The following NALF1 variants were observed in gnomAD, a reference collection of about 807,000 sequenced individuals.
NALF1 encodes the protein family with sequence similarity 155 member A.
NALF1 carries 3 observed loss-of-function variants against 48.4 expected under a neutral mutation model. The observed-to-expected ratio is 0.06, with a 90% CI of 0.03 to 0.16. The LOEUF (loss-of-function observed/expected upper bound fraction) is 0.16. Ranked by LOEUF, NALF1 falls within the 10% of genes least tolerant of loss-of-function variation. The pLI, the probability that NALF1 is intolerant of heterozygous loss-of-function variation, is 1.00. For synonymous variants in NALF1, 262 were observed against 245.7 expected, an observed-to-expected ratio of 1.07 and a Z score of -0.62; for missense variants, 526 against 571.5, an observed-to-expected ratio of 0.92 and a Z score of 0.81.
At chr13:107,333,976 C>A (rs1360544644) in intron 1 of NALF1, among the ~76,000 whole-genome samples, 2 of 151,916 alleles carry the variant, frequency 1.3e-5, no homozygotes, top group Admixed American at 6.6e-5. Context: ...TTCCAGTTTC[C>A]CTTAAATAAA....
chr13:107,440,948 G>T (rs1884548602), intron 1 of NALF1, among the ~76,000 whole-genome samples: 1 of 152,042 alleles, frequency 6.6e-6, no homozygotes, highest in Non-Finnish European at 1.5e-5. Flanking sequence ...AAGCAAGCTG[G>T]TCACGAGATT....
chr13:107,245,472 T>C (rs909683810), intron 1 of NALF1, among the ~76,000 whole-genome samples: 4 of 152,212 alleles, frequency 2.6e-5, no homozygotes, highest in Non-Finnish European at 4.4e-5. Flanking sequence ...CACCAAGTAA[T>C]AACTCTGATT....
intron 1 of NALF1, among the ~76,000 whole-genome samples, chr13:107,675,916 C>G (rs890361746): frequency 1.3e-5 from 2 of 152,128 alleles, no homozygotes; most frequent in African/African-American, 2.4e-5. Flanking sequence ...AAGAACTTCC[C>G]TTCTCAGAGT....
chr13:107,381,848 C>T (rs1033265711), intron 1 of NALF1, among the ~76,000 whole-genome samples: 1 of 152,100 alleles, frequency 6.6e-6, no homozygotes, highest in African/African-American at 2.4e-5. Context: ...TGATCTCTTC[C>T]TCTCTCTCCC....
chr13:107,790,575 A>C (rs1266391563), intron 1 of NALF1, among the ~76,000 whole-genome samples: 1 of 152,232 alleles, frequency 6.6e-6, no homozygotes, highest in Non-Finnish European at 1.5e-5. Context: ...GATCACATAC[A>C]CATAATTCAC....
intron 1 of NALF1, among the ~76,000 whole-genome samples, chr13:107,720,944 T>C (rs1339980662): frequency 6.6e-6 from 1 of 152,124 alleles, no homozygotes; most frequent in Non-Finnish European, 1.5e-5. Context: ...ATCCAAAGAC[T>C]GAGCTAACAA....
At chr13:107,220,008 T>C (rs1356391148) in intron 1 of NALF1, among the ~76,000 whole-genome samples, 1 of 152,220 alleles carries the variant, frequency 6.6e-6, no homozygotes, top group Non-Finnish European at 1.5e-5. Flanking sequence ...TATTGTCAGG[T>C]CACTTGTGTA....
At chr13:107,306,579 G>T (rs895152463) in intron 1 of NALF1, among the ~76,000 whole-genome samples, 3 of 152,124 alleles carry the variant, frequency 2.0e-5, no homozygotes, top group African/African-American at 7.2e-5. Context: ...CAACAAAAAT[G>T]AACGACATTT....
intron 1 of NALF1, among the ~76,000 whole-genome samples, chr13:107,708,981 G>A (rs1192889521): frequency 6.6e-6 from 1 of 152,118 alleles, no homozygotes; most frequent in African/African-American, 2.4e-5. Context: ...AATCAGCAGA[G>A]CTTTGGGGAC....
intron 1 of NALF1, among the ~76,000 whole-genome samples, chr13:107,369,555 T>C (rs909835162): frequency 1.3e-5 from 2 of 152,110 alleles, no homozygotes; most frequent in Non-Finnish European, 2.9e-5. Context: ...AATGAAATAA[T>C]AAATTAAAGA....
chr13:107,489,037 A>T (rs1885373953), intron 1 of NALF1, among the ~76,000 whole-genome samples: 1 of 152,198 alleles, frequency 6.6e-6, no homozygotes, highest in Non-Finnish European at 1.5e-5. Context: ...AACAAAAATA[A>T]TAAAATACGT....
intron 2 of NALF1, among the ~76,000 whole-genome samples, chr13:107,207,019 C>G (rs1250322016): frequency 6.6e-6 from 1 of 152,030 alleles, no homozygotes. Context: ...GAAATGATTG[C>G]ATTTTAACAT....
chr13:107,729,077 A>G (rs1334107085), intron 1 of NALF1, among the ~76,000 whole-genome samples: 2 of 152,190 alleles, frequency 1.3e-5, no homozygotes, highest in Non-Finnish European at 2.9e-5. Context: ...TATTCACTCT[A>G]TGGACCACCA....
At chr13:107,766,547 A>C (rs185067498) in intron 1 of NALF1, among the ~76,000 whole-genome samples, 1 of 152,310 alleles carries the variant, frequency 6.6e-6, no homozygotes, top group African/African-American at 2.4e-5. Context: ...ATTGTCTCAA[A>C]TATCTGCTGC....
At chr13:107,680,871 A>AGG (rs759755167) in intron 1 of NALF1, among the ~76,000 whole-genome samples, 1 of 99,670 alleles carries the variant, frequency 1.0e-5, no homozygotes, top group Non-Finnish European at 2.4e-5. Context: ...TGCAAATGTA[A>AGG]GGGTGTGTGT....
At chr13:107,596,160 G>A (rs548545451) in intron 1 of NALF1, among the ~76,000 whole-genome samples, 1 of 152,158 alleles carries the variant, frequency 6.6e-6, no homozygotes, top group African/African-American at 2.4e-5. Flanking sequence ...GCAATATTAA[G>A]GTCTCTGTCA....
intron 1 of NALF1, among the ~76,000 whole-genome samples, chr13:107,863,373 T>C (rs910521018): frequency 5.3e-5 from 8 of 152,164 alleles, no homozygotes; most frequent in Non-Finnish European, 1.2e-4. Context: ...CTACTCCCTT[T>C]CTACATATAA....
chr13:107,270,877 A>G (rs1465306177), intron 1 of NALF1, among the ~76,000 whole-genome samples: 1 of 135,538 alleles, frequency 7.4e-6, no homozygotes, highest in Non-Finnish European at 1.5e-5. Context: ...ATGTGTTCTC[A>G]TTGTTCAGTT....
chr13:107,648,699 A>G lies in NALF1; in HGVS notation c.915+216983T>C, dbSNP rs141164810. On this transcript the variant is annotated intron_variant, in intron 1 of 2. Transcript: ENST00000375915. Reference sequence around the variant, plus strand: ...TTTTTAATTTATTTGAGAACATACCAAGAAGACTGATTGCTAGTTAATATG... The same window carrying G: ...TTTTTAATTTATTTGAGAACATACCGAGAAGACTGATTGCTAGTTAATATG... 4.1e-3 allele frequency among the ~76,000 whole-genome samples: 625 copies of G among 152,276 alleles called. 4 individuals are homozygous for G. The highest frequency in any genetic ancestry group is 0.013 in the African/African-American group (556 of 41,566).
Sources: gnomAD v4.1 joint callset for allele counts (sites outside exome capture counted in the v4.1 genomes callset) on GRCh38, gnomAD v4.1.1 for gene constraint, MANE v1.5 for transcripts, NCBI Gene and HGNC (gene_info 2026-07-23, HGNC 2026-07-21) for gene names.